Variants in POLA1 observed in about 807,000 individuals in gnomAD.
The protein encoded by POLA1 is DNA polymerase alpha 1, catalytic subunit.
POLA1 carries 15 observed loss-of-function variants against 124.0 expected under a neutral mutation model. The ratio of observed to expected loss-of-function variants is 0.12; its 90% CI spans 0.08 to 0.19. The LOEUF (loss-of-function observed/expected upper bound fraction) is 0.19, where lower values mean the gene tolerates loss of function less well. Among genes scored for constraint, POLA1 ranks in the 10% least tolerant of loss-of-function variants. The probability of loss-of-function intolerance (pLI) is 1.00; values close to 1 mark genes in which losing one functional copy is unlikely to be tolerated. For synonymous variants in POLA1, 408 were observed against 389.4 expected (o/e 1.05, Z -0.56); for missense variants, 886 against 1,103.4 (o/e 0.80, Z 2.79).
rs930928897 is a variant in POLA1, at chrX:24,885,804, G to A, written c.4048-2202G>A. Reference sequence around the variant, plus strand: ...CTCCCAAAGTGCTGGGATTACAGGCGTGAACCACTGCGCCCGGCCAGTATC... The same window carrying A: ...CTCCCAAAGTGCTGGGATTACAGGCATGAACCACTGCGCCCGGCCAGTATC... On this transcript the variant is annotated intron_variant, in intron 34 of 36. Coordinates refer to ENST00000379068, the MANE Select transcript of POLA1 (RefSeq NM_001330360.2). Among the ~76,000 whole-genome samples the A allele has an allele frequency of 2.7e-5, 3 of 112,261 alleles. No homozygotes were observed. The East Asian group carries it at 8.4e-4, about 31-fold the overall frequency.
At chrX:24,724,853 T>C (rs947230259) in intron 12 of POLA1, among the ~76,000 whole-genome samples, 1 of 112,063 alleles carries the variant, frequency 8.9e-6, no homozygotes, top group Admixed American at 9.5e-5. Context: ...TGATACAGTC[T>C]GATAGAATGA....
At chrX:24,948,362 T>TC (rs397732682) in intron 36 of POLA1, among the ~76,000 whole-genome samples, 8 of 109,286 alleles carry the variant, frequency 7.3e-5, no homozygotes. Flanking sequence ...TTTTTTTTTT[T>TC]CCTCCTTAAA....
intron 36 of POLA1, among the ~76,000 whole-genome samples, chrX:24,950,981 A>G (rs951506097): frequency 8.0e-5 from 9 of 111,980 alleles, no homozygotes; most frequent in African/African-American, 2.6e-4. Context: ...AACTTAAGAC[A>G]TGTTCCAATT....
intron 36 of POLA1, among the ~76,000 whole-genome samples, chrX:24,988,757 G>C (rs1298378791): frequency 8.9e-6 from 1 of 111,879 alleles, no homozygotes. Flanking sequence ...CTTAAGGTCA[G>C]GAGTTTGAGA....
intron 35 of POLA1, among the ~76,000 whole-genome samples, chrX:24,894,802 T>TG (rs1411401394): frequency 9.2e-6 from 1 of 108,424 alleles, no homozygotes; most frequent in Non-Finnish European, 1.9e-5. Flanking sequence ...TTTTTTTTTT[T>TG]GTGAGACAGA....
intron 36 of POLA1, among the ~76,000 whole-genome samples, chrX:24,955,102 CTTTTTGTTTGTTTTT>C (rs1349387742): frequency 9.1e-6 from 1 of 109,292 alleles, no homozygotes; most frequent in Non-Finnish European, 1.9e-5. Flanking sequence ...GCAGAATTTG[CTTTTTGTTTGTTTTT>C]TGTTTGTTTG....
chrX:24,732,424 C>T lies in POLA1; in HGVS notation c.1741C>T (p.Pro581Ser). 1 of 1,184,135 alleles carries T rather than the reference C, an allele frequency of 8.4e-7. No individual in the cohort carries two copies. The highest frequency in any genetic ancestry group is 1.1e-6 in the Non-Finnish European group (1 of 870,971). ...HHSFALDKAA[P>S]KPPFQSHFCV... Reference sequence around the variant, plus strand: ...CAGTTTTGCATTGGATAAAGCAGCCCCAAAGCCTCCCTTTCAGTCACACTT... The same window carrying T: ...CAGTTTTGCATTGGATAAAGCAGCCTCAAAGCCTCCCTTTCAGTCACACTT... The change falls in exon 16 of 37, where the codon CCA becomes TCA. Residue 581 changes from proline to serine, a missense_variant. By Grantham distance (74) the Pro-to-Ser change is moderately conservative (BLOSUM62 -1). Transcript: ENST00000379068.
intron 1 of POLA1, among the ~76,000 whole-genome samples, chrX:24,694,262 A>G (rs929913272): frequency 8.9e-5 from 10 of 111,835 alleles, no homozygotes; most frequent in South Asian, 3.8e-4. Flanking sequence ...TTGCGTTTCT[A>G]TTTCTTTTGG....
intron 26 of POLA1, among the ~76,000 whole-genome samples, chrX:24,807,700 G>A (rs1327158969): frequency 9.0e-6 from 1 of 111,629 alleles, no homozygotes; most frequent in Non-Finnish European, 1.9e-5. Flanking sequence ...GGGTGGGTAG[G>A]TGGGAGCTAA....
intron 35 of POLA1, among the ~76,000 whole-genome samples, chrX:24,900,860 T>G (rs189674289): frequency 1.5e-3 from 169 of 111,870 alleles, no homozygotes; most frequent in African/African-American, 5.3e-3. Flanking sequence ...CCCAAATCTT[T>G]CTTATATCCT....
chrX:24,851,095 G>T (rs2046554027), intron 34 of POLA1, among the ~76,000 whole-genome samples: 1 of 112,208 alleles, frequency 8.9e-6, no homozygotes, highest in South Asian at 3.7e-4. Context: ...TTCCTTTTCA[G>T]TGTTGGTGAA....
intron 26 of POLA1, 48 bp from the exon 27 acceptor site, chrX:24,809,850 G>A: frequency 1.3e-6 from 1 of 771,015 alleles, no homozygotes; most frequent in Non-Finnish European, 1.9e-6. Context: ...TTCTATTTAT[G>A]TCTTTATAAT....
chrX:24,900,692 A>G (rs991142814), intron 35 of POLA1, among the ~76,000 whole-genome samples: 2 of 111,642 alleles, frequency 1.8e-5, no homozygotes, highest in Non-Finnish European at 3.8e-5. Context: ...GCTATCCTTC[A>G]TTGTTCCTGC....
chrX:24,901,739 C>A (rs1242571663), intron 35 of POLA1, among the ~76,000 whole-genome samples: 1 of 111,509 alleles, frequency 9.0e-6, no homozygotes, highest in Non-Finnish European at 1.9e-5. Context: ...CTACTCCAAT[C>A]CTTCTTCCCC....
chrX:24,709,460 C>T (rs1314092688), intron 4 of POLA1, among the ~76,000 whole-genome samples: 7 of 107,757 alleles, frequency 6.5e-5, no homozygotes, highest in African/African-American at 9.9e-5. Context: ...ACCTCCCTCC[C>T]GGATGGGGCG....
At chrX:24,740,561 A>G (rs763915560) in intron 20 of POLA1, among the ~76,000 whole-genome samples, 3 of 112,145 alleles carry the variant, frequency 2.7e-5, no homozygotes, top group Non-Finnish European at 5.6e-5. Context: ...ATTCAGAGTA[A>G]AAACTAAAGT....
At chrX:24,798,260 G>A (rs1368718883) in intron 26 of POLA1, among the ~76,000 whole-genome samples, 1 of 111,486 alleles carries the variant, frequency 9.0e-6, no homozygotes, top group Non-Finnish European at 1.9e-5. Flanking sequence ...AAATGTGATT[G>A]ATAAATGGGA....
Position 24,931,319 on chromosome X carries a change from A to G in POLA1, c.4261+770A>G, listed in dbSNP as rs180850564. ...TTGTTTGTCAGCGAGTATCAATTCA[A>G]CGTTTTGTTGGTCGGTACTAGGGCT... On this transcript the variant is annotated intron_variant, in intron 36 of 36. Coordinates refer to ENST00000379068, the MANE Select transcript of POLA1 (RefSeq NM_001330360.2). 2.4e-4 allele frequency among the ~76,000 whole-genome samples: 27 copies of G among 111,343 alleles called. 1 individual carries two copies. Among genetic ancestry groups the G allele is most frequent in the African/African-American group, 8.2e-4 (25 of 30,659 alleles).
chrX:24,961,556 T>G (rs985691083), intron 36 of POLA1, among the ~76,000 whole-genome samples: 2 of 110,653 alleles, frequency 1.8e-5, no homozygotes, highest in Admixed American at 1.9e-4. Flanking sequence ...CACACCTGAT[T>G]TATTTCCTCT....
Sources: allele counts gnomAD v4.1 joint callset (sites outside exome capture counted in the v4.1 genomes callset), GRCh38; gene constraint gnomAD v4.1.1; transcripts MANE v1.5; gene names NCBI Gene and HGNC (gene_info 2026-07-23, HGNC 2026-07-21).